Variants in N4BP2L2 observed in about 807,000 individuals in gnomAD.
N4BP2L2 encodes NEDD4-binding protein 2-like 2.
N4BP2L2 carries 50 observed loss-of-function variants against 56.2 expected under a neutral mutation model. The observed-to-expected ratio is 0.89, with a 90% CI of 0.71 to 1.13. N4BP2L2 has a LOEUF of 1.13. Ranked by LOEUF, N4BP2L2 falls within the 50% of genes most tolerant of loss-of-function variation. The pLI is 0.00. For synonymous variants in N4BP2L2, 203 were observed against 223.6 expected, an observed-to-expected ratio of 0.91 and a Z score of 0.82; for missense variants, 689 against 693.8, an observed-to-expected ratio of 0.99 and a Z score of 0.08.
At chr13:32,519,891 T>C (rs2050309447) in intron 5 of N4BP2L2, among the ~76,000 whole-genome samples, 2 of 152,124 alleles carry the variant, frequency 1.3e-5, no homozygotes, top group Admixed American at 1.3e-4. Context: ...TCCTCAAAAA[T>C]GTAATGAAGC....
At chr13:32,443,909 C>T in exon 7 of N4BP2L2, 1 of 1,575,420 alleles carries the variant, frequency 6.3e-7, no homozygotes, top group Non-Finnish European at 8.6e-7. Flanking sequence ...TTTTGTAGAC[C>T]ATCAATGAAG....
exon 6 of N4BP2L2, chr13:32,510,497 A>ATTTTTTT (rs35351127): frequency 1.6e-5 from 2 of 124,612 alleles, no homozygotes; most frequent in African/African-American, 6.1e-5. Flanking sequence ...AACTCTATCA[A>ATTTTTTT]TTTTTTTTTT....
chr13:32,449,847 G>A lies in N4BP2L2; in HGVS notation c.366-5721C>T, dbSNP rs1458426854. On this transcript the variant is annotated intron_variant, in intron 6 of 9. Coordinates refer to the N4BP2L2 transcript ENST00000357505. ...CTTAAAACAAACAGTTGAGTTAGAAGAACTGGAAAATTCTCCAAAAATGTA... is the reference window on the plus strand; with the variant it reads ...CTTAAAACAAACAGTTGAGTTAGAAAAACTGGAAAATTCTCCAAAAATGTA... 3.9e-5 allele frequency among the ~76,000 whole-genome samples: 6 copies of A among 152,246 alleles called. No individual in the cohort carries two copies. The South Asian group carries it at 1.2e-3, about 32-fold the overall frequency.
downstream of N4BP2L2, among the ~76,000 whole-genome samples, chr13:32,510,134 G>A (rs141917258): frequency 9.9e-5 from 15 of 151,806 alleles, no homozygotes; most frequent in Admixed American, 3.9e-4. Flanking sequence ...TCAAATATTC[G>A]GAAAATTTAT....
intron 6 of N4BP2L2, among the ~76,000 whole-genome samples, chr13:32,488,468 A>G (rs1035381431): frequency 6.6e-6 from 1 of 152,212 alleles, no homozygotes; most frequent in African/African-American, 2.4e-5. Context: ...GATGGAATCC[A>G]TACTCCTAAC....
intron 2 of N4BP2L2, among the ~76,000 whole-genome samples, chr13:32,529,081 GA>G (rs1449013150): frequency 2.0e-5 from 3 of 152,068 alleles, no homozygotes; most frequent in African/African-American, 7.2e-5. Context: ...AAATAACAAG[GA>G]AAAAAGTCTG....
chr13:32,529,551 C>T (rs541089596), intron 2 of N4BP2L2, among the ~76,000 whole-genome samples: 11 of 152,002 alleles, frequency 7.2e-5, no homozygotes, highest in African/African-American at 2.7e-4. Context: ...ACTCAATCAC[C>T]CAAAAAGAGA....
chr13:32,441,731 A>G, intron 7 of N4BP2L2, among the ~76,000 whole-genome samples: 1 of 146,798 alleles, frequency 6.8e-6, no homozygotes, highest in South Asian at 2.1e-4. Context: ...AAATAAATAA[A>G]TAAATATAAA....
chr13:32,447,690 A>G (rs2077250497), intron 6 of N4BP2L2, among the ~76,000 whole-genome samples: 1 of 149,378 alleles, frequency 6.7e-6, no homozygotes. Context: ...CAGAAAGTGG[A>G]AAAAAAAGAG....
At chr13:32,510,402 C>A (rs934611199) in exon 6 of N4BP2L2, 2 of 151,238 alleles carry the variant, frequency 1.3e-5, no homozygotes, top group Non-Finnish European at 2.9e-5. Context: ...GTAAATAATT[C>A]AATGGAAAAA....
At chr13:32,522,122 T>C in intron 4 of N4BP2L2, 60 bp downstream of exon 4, 1 of 1,154,364 alleles carries the variant, frequency 8.7e-7, no homozygotes. Context: ...GCCAAAATTT[T>C]AGAATGTGAA....
At chr13:32,527,329 A>T in intron 3 of N4BP2L2, 79 bp downstream of exon 3, 24 of 1,463,866 alleles carry the variant, frequency 1.6e-5, no homozygotes, top group Non-Finnish European at 2.1e-5. Flanking sequence ...GCTGGTAAAA[A>T]CCTAAGCTGA....
At chr13:32,436,361 A>C in exon 9 of N4BP2L2, 1 of 1,221,424 alleles carries the variant, frequency 8.2e-7, no homozygotes, top group Non-Finnish European at 1.1e-6. Flanking sequence ...TCATACTTAC[A>C]GTTCAAGGAA....
intron 7 of N4BP2L2, chr13:32,438,809 C>A: frequency 2.0e-6 from 2 of 978,540 alleles, no homozygotes; most frequent in Non-Finnish European, 3.1e-6. Flanking sequence ...TGAAGACATG[C>A]AAACCTGATC....
chr13:32,495,035 T>C (rs2088210924), intron 6 of N4BP2L2, among the ~76,000 whole-genome samples: 1 of 152,056 alleles, frequency 6.6e-6, no homozygotes, highest in Admixed American at 6.5e-5. Flanking sequence ...AGATAGAGGG[T>C]GTAAATTCTA....
downstream of N4BP2L2, chr13:32,510,172 ATACT>A (rs1042945407): frequency 1.3e-4 from 20 of 152,250 alleles, no homozygotes; most frequent in African/African-American, 4.8e-4. Context: ...TACTACTAAC[ATACT>A]TACGTAACAA....
In N4BP2L2 at chr13:32,457,720, G is replaced by A. The variant is rs897055263; in HGVS notation, c.366-13594C>T. 5.9e-5 allele frequency among the ~76,000 whole-genome samples: 9 copies of A among 152,128 alleles called. No individual in the cohort carries two copies. The East Asian group carries it at 1.2e-3, about 20-fold the overall frequency. ...CGACTAGACTGGCACTACAAGAAAC[G>A]TTAAAAGAAGTCCTATACATGGAAG... On this transcript the variant is annotated intron_variant, in intron 6 of 9. Coordinates refer to the N4BP2L2 transcript ENST00000357505.
intron 6 of N4BP2L2, among the ~76,000 whole-genome samples, chr13:32,444,695 C>A (rs953171653): frequency 6.6e-6 from 1 of 152,158 alleles, no homozygotes; most frequent in African/African-American, 2.4e-5. Context: ...TTTATAAAAA[C>A]CTAATATTTT....
chr13:32,530,625 A>G (rs893439620), intron 2 of N4BP2L2, among the ~76,000 whole-genome samples: 1 of 152,192 alleles, frequency 6.6e-6, no homozygotes, highest in African/African-American at 2.4e-5. Flanking sequence ...ACATAAATCT[A>G]TGACCTCATT....
Sources: allele counts gnomAD v4.1 joint callset (sites outside exome capture counted in the v4.1 genomes callset), GRCh38; gene constraint gnomAD v4.1.1; transcripts MANE v1.5; gene names NCBI Gene and HGNC (gene_info 2026-07-23, HGNC 2026-07-21).